TOR1AIP2: variants seen among roughly 807,000 people sequenced by gnomAD.
TOR1AIP2 encodes torsin 1A interacting protein 2.
In TOR1AIP2, 20 loss-of-function variants were observed where a neutral mutation model predicts 32.6. The observed-to-expected ratio is 0.61, with a 90% confidence interval of 0.43 to 0.89. The LOEUF (loss-of-function observed/expected upper bound fraction) is 0.89. Ranked by LOEUF, TOR1AIP2 falls within the 40% of genes least tolerant of loss-of-function variation. TOR1AIP2 has a pLI of 0.00. For missense variants in TOR1AIP2, 456 were observed against 553.8 expected, an observed-to-expected ratio of 0.82 and a Z score of 1.77; for synonymous variants, 214 against 210.8, an observed-to-expected ratio of 1.02 and a Z score of -0.13.
At chr1:179,874,987 CT>C (rs1403867682) in intron 2 of TOR1AIP2, 1 of 154,886 alleles carries the variant, frequency 6.5e-6, no homozygotes, top group Non-Finnish European at 1.4e-5. Context: ...TCTCTATGCC[CT>C]TGGTTTTCTT....
chr1:179,854,368 C>G (rs1224661894), intron 3 of TOR1AIP2, among the ~76,000 whole-genome samples: 1 of 152,022 alleles, frequency 6.6e-6, no homozygotes, highest in Non-Finnish European at 1.5e-5. Flanking sequence ...ACAAATAAGA[C>G]TCAAAACCAT....
chr1:179,860,379 G>A (rs984608633), intron 3 of TOR1AIP2: 1 of 819,348 alleles, frequency 1.2e-6, no homozygotes, highest in African/African-American at 1.9e-5. Flanking sequence ...CTACTTAGGG[G>A]GCTGAAGTGG....
In TOR1AIP2 at chr1:179,850,836, T is replaced by A. The variant is rs1696086987; in HGVS notation, c.553+9A>T. The A allele has an allele frequency of 6.2e-7, 1 of 1,609,966 alleles. No individual in the cohort carries two copies. Among genetic ancestry groups the A allele is most frequent in the East Asian group, 2.2e-5 (1 of 44,780 alleles). ...CAAAACAGGAGAGTAGTTCAGGGGG[T>A]TCTCTTACCTGGGGCCAGCAGTCGC... On this transcript the variant is annotated intron_variant, in intron 5 of 6. Transcript: ENST00000609928.
At chr1:179,858,875 G>C (rs1696407072) in intron 3 of TOR1AIP2, among the ~76,000 whole-genome samples, 1 of 152,172 alleles carries the variant, frequency 6.6e-6, no homozygotes, top group Admixed American at 6.5e-5. Flanking sequence ...CCTGGGGAGG[G>C]GAGGCAGGGT....
intron 3 of TOR1AIP2, among the ~76,000 whole-genome samples, chr1:179,855,660 T>A (rs1469349121): frequency 1.3e-5 from 2 of 152,162 alleles, no homozygotes; most frequent in African/African-American, 2.4e-5. Flanking sequence ...AGGCACACAC[T>A]CTACAAATCA....
chr1:179,871,775 G>C (rs1697019620), intron 2 of TOR1AIP2, among the ~76,000 whole-genome samples: 1 of 152,238 alleles, frequency 6.6e-6, no homozygotes, highest in East Asian at 1.9e-4. Flanking sequence ...TTTTGTATGA[G>C]ATGGTTTCTC....
rs180798224 is a variant in TOR1AIP2 at position 179,843,806 on chromosome 1, G to A, written c.*2265C>T. 6.0e-4 allele frequency: 73 copies of A among 122,688 alleles called. No individual in the cohort carries two copies. Among genetic ancestry groups the A allele is most frequent in the African/African-American group, 1.8e-3 (57 of 31,826 alleles). 7.6% of individuals were successfully genotyped at this position (122,688 alleles called of 1,614,324 possible). A position where few individuals can be genotyped will look rare whatever the true frequency, so the allele number is the denominator to read the frequency against. On this transcript the variant is annotated 3_prime_UTR_variant, in exon 7 of 7. Transcript: ENST00000609928. The stretch of plus-strand genomic sequence containing the variant: ...ACAGCACTGCAGCCTGGGAGTCAGA[G>A]TGAGACTCCATCTCAAAAAAAAAAA...
intron 3 of TOR1AIP2, chr1:179,859,646 C>A: frequency 1.0e-6 from 1 of 985,372 alleles, no homozygotes; most frequent in Non-Finnish European, 1.2e-6. Flanking sequence ...AGTCATACAG[C>A]AATTATATCT....
intron 3 of TOR1AIP2, chr1:179,863,637 T>C: frequency 1.0e-6 from 1 of 959,422 alleles, no homozygotes; most frequent in Non-Finnish European, 1.2e-6. Context: ...GAGACCAGCC[T>C]GGGTCATACA....
At chr1:179,847,784 A>T in intron 5 of TOR1AIP2, 148 bp from the exon 6 acceptor site, 1 of 610,994 alleles carries the variant, frequency 1.6e-6, no homozygotes, top group South Asian at 1.9e-5. Context: ...CTGTAATCCC[A>T]GCACTTTGGG....
Position 179,846,455 on chromosome 1 carries a change from G to C in TOR1AIP2, c.1029C>G (p.Val343=), listed in dbSNP as rs146286717. Residue 343 remains valine (V), a synonymous_variant, in exon 7 of 7, where the codon GTC becomes GTG. Coordinates refer to ENST00000609928, the MANE Select transcript of TOR1AIP2 (RefSeq NM_001199260.2). ...TCAGCTCCAGGTCAACCAACAGCTTGACCGTGTCACTGTCCTGCCAGGTCC... is the reference window on the plus strand; with the variant it reads ...TCAGCTCCAGGTCAACCAACAGCTTCACCGTGTCACTGTCCTGCCAGGTCC... The part of the protein sequence containing the change: ...AGRTWQDSDT[V]KLLVDLELSY... The C allele has an allele frequency of 1.9e-4, 301 of 1,614,140 alleles. No homozygotes were observed. In the African/African-American group the frequency reaches 3.7e-3, roughly 20 times the overall value.
At position 179,864,143 on chromosome 1, in the gene TOR1AIP2, T is replaced by C. The variant is rs191875913; in HGVS notation, c.-147+1293A>G. The C allele has an allele frequency of 4.1e-6, 4 of 985,456 alleles. No individual in the cohort carries two copies. In the African/African-American group the frequency reaches 7.0e-5, roughly 17 times the overall value. The allele number at this position is 985,456 out of a possible 1,614,324, so 61.0% of individuals were successfully genotyped here. On this transcript the variant is annotated intron_variant, in intron 3 of 6. Transcript: ENST00000609928. ...TCTGCATGTTTCTGCATAACCTATATAGGTGTTTCCTAATAGAATGTGATT... is the reference window on the plus strand; with the variant it reads ...TCTGCATGTTTCTGCATAACCTATACAGGTGTTTCCTAATAGAATGTGATT...
chr1:179,847,659 T>C (rs1344303239), intron 5 of TOR1AIP2, 23 bp from the exon 6 acceptor site: 2 of 1,481,046 alleles, frequency 1.4e-6, no homozygotes, highest in East Asian at 2.3e-5. Context: ...AGAATCAATA[T>C]TATTTTTAGG....
chr1:179,856,638 G>A (rs1696313964), intron 3 of TOR1AIP2, among the ~76,000 whole-genome samples: 1 of 151,980 alleles, frequency 6.6e-6, no homozygotes, highest in South Asian at 2.1e-4. Flanking sequence ...TCCCCCCCAA[G>A]ATAGAATCTC....
chr1:179,861,574 T>C (rs1696533295), intron 3 of TOR1AIP2: 1 of 981,740 alleles, frequency 1.0e-6, no homozygotes, highest in Admixed American at 6.2e-5. Context: ...AACAAAACTG[T>C]TTGTGAAGAA....
intron 5 of TOR1AIP2, 78 bp from the exon 6 acceptor site, chr1:179,847,714 A>G: frequency 2.0e-6 from 2 of 989,698 alleles, no homozygotes; most frequent in Admixed American, 1.9e-5. Flanking sequence ...CTCTCACCAA[A>G]CCAAAGAATG....
chr1:179,851,513 A>G (rs528938741), intron 4 of TOR1AIP2, 150 bp from the exon 5 acceptor site: 9 of 565,194 alleles, frequency 1.6e-5, no homozygotes, highest in Non-Finnish European at 2.5e-5. Flanking sequence ...CTCCCACTAA[A>G]GGCAATTAAA....
chr1:179,862,882 C>A (rs1249177471), intron 3 of TOR1AIP2: 1 of 141,668 alleles, frequency 7.1e-6, no homozygotes, highest in African/African-American at 2.7e-5. Context: ...AAGCCGAGAT[C>A]GTGCCACTAC....
rs1010017420 is a variant in TOR1AIP2 at position 179,844,362 on chromosome 1, C to G, written c.*1709G>C. ...ACTCAATTGTAATCTTTTTAGGTATCAGTAAAGATCCCTGTATCTTCTTAG... is the reference window on the plus strand; with the variant it reads ...ACTCAATTGTAATCTTTTTAGGTATGAGTAAAGATCCCTGTATCTTCTTAG... On this transcript the variant is annotated 3_prime_UTR_variant, in exon 7 of 7. Coordinates refer to ENST00000609928, the MANE Select transcript of TOR1AIP2 (RefSeq NM_001199260.2). 2 of 152,186 alleles carry G rather than the reference C, an allele frequency of 1.3e-5. No individual in the cohort carries two copies. Among genetic ancestry groups the G allele is most frequent in the African/African-American group, 4.8e-5 (2 of 41,438 alleles). 9.4% of individuals were successfully genotyped at this position (152,186 alleles called of 1,614,324 possible).
Sources: allele counts gnomAD v4.1 joint callset (sites outside exome capture counted in the v4.1 genomes callset), GRCh38; gene constraint gnomAD v4.1.1; transcripts MANE v1.5; gene names NCBI Gene and HGNC (gene_info 2026-07-23, HGNC 2026-07-21).